Variants in PCDHGA11 observed in about 807,000 individuals in gnomAD.
PCDHGA11 encodes the protein protocadherin gamma subfamily A, 11.
A neutral mutation model predicts 60.4 loss-of-function variants in PCDHGA11; 39 were observed. The ratio of observed to expected loss-of-function variants is 0.65; its 90% CI spans 0.50 to 0.84. The LOEUF (loss-of-function observed/expected upper bound fraction) is 0.84, where lower values mean the gene tolerates loss of function less well. Among genes scored for constraint, PCDHGA11 ranks in the 40% least tolerant of loss-of-function variants. The pLI is 0.00. For synonymous variants in PCDHGA11, 533 were observed against 510.3 expected (o/e 1.04, Z -0.60); for missense variants, 1,165 against 1,197.7 (o/e 0.97, Z 0.40).
chr5:141,502,003 G>A (rs945565369), intron 2 of PCDHGA11, among the ~76,000 whole-genome samples: 17 of 151,966 alleles, frequency 1.1e-4, no homozygotes, highest in Admixed American at 1.1e-3. Flanking sequence ...CTGACAACCC[G>A]CATGCTCTCC....
At chr5:141,475,987 C>A in intron 1 of PCDHGA11, 2 of 1,101,540 alleles carry the variant, frequency 1.8e-6, no homozygotes, top group Non-Finnish European at 2.6e-6. Flanking sequence ...AGCCGGCGAG[C>A]AAATCAACGG....
rs1255326344 is a variant in PCDHGA11, at chr5:141,431,636, A to G, written c.2433+7976A>G. 6.2e-7 allele frequency: 1 copy of G among 1,614,254 alleles called. No homozygotes were observed. ...GGACGACAAGGCGGCCCAAGTTTTC[A>G]AACTAGATTGTAATTCAGGGACAAT... On this transcript the variant is annotated intron_variant, in intron 1 of 3. Transcript: ENST00000398587. This position sits in a 1 kb window ranked among gnomAD's most constrained non-coding sequence, Gnocchi z 4.8.
At chr5:141,478,891 A>G (rs1045274228) in intron 1 of PCDHGA11, 10 of 1,122,064 alleles carry the variant, frequency 8.9e-6, no homozygotes, top group Admixed American at 3.1e-5. Context: ...TATCATTTAC[A>G]TTAGGAATAA....
At chr5:141,430,603 C>A in intron 1 of PCDHGA11, 1 of 632,906 alleles carries the variant, frequency 1.6e-6, no homozygotes, top group Non-Finnish European at 2.5e-6. Context: ...GCGCCTGAAG[C>A]ACAAAGCAGA....
At chr5:141,427,495 C>A in intron 1 of PCDHGA11, 2 of 562,648 alleles carry the variant, frequency 3.6e-6, no homozygotes, top group South Asian at 1.5e-5. Flanking sequence ...AAGCTTGTAA[C>A]AGATGGGACC....
At chr5:141,492,161 TC>T (rs1269738341) in intron 1 of PCDHGA11, among the ~76,000 whole-genome samples, 2 of 152,142 alleles carry the variant, frequency 1.3e-5, no homozygotes, top group Admixed American at 6.5e-5. Context: ...ACCCTCCCTA[TC>T]CCCGCATCAC....
intron 1 of PCDHGA11, among the ~76,000 whole-genome samples, chr5:141,467,414 C>A (rs1410743140): frequency 6.6e-5 from 10 of 152,168 alleles, no homozygotes; most frequent in African/African-American, 1.2e-4. Flanking sequence ...CCTTTCCCCA[C>A]ACCTAGGTTA....
At chr5:141,465,162 G>A (rs1464525964) in intron 1 of PCDHGA11, among the ~76,000 whole-genome samples, 1 of 151,654 alleles carries the variant, frequency 6.6e-6, no homozygotes, top group Non-Finnish European at 1.5e-5. Context: ...GACTCTAAAT[G>A]TTTATGAAGA....
chr5:141,439,459 A>T (rs558086952), intron 1 of PCDHGA11, among the ~76,000 whole-genome samples: 1 of 152,340 alleles, frequency 6.6e-6, no homozygotes, highest in African/African-American at 2.4e-5. Flanking sequence ...GCAAGACTGC[A>T]CTGCTGCCTT....
At chr5:141,460,536 G>T (rs911670681) in intron 1 of PCDHGA11, among the ~76,000 whole-genome samples, 1 of 152,092 alleles carries the variant, frequency 6.6e-6, no homozygotes, top group African/African-American at 2.4e-5. Context: ...AATAATCTTA[G>T]CACCTTAATC....
Position 141,490,241 on chromosome 5 carries a change from G to T in PCDHGA11, c.2434-4566G>T. 2 of 1,614,246 alleles carry T rather than the reference G, an allele frequency of 1.2e-6. No individual in the cohort carries two copies. Among genetic ancestry groups the T allele is most frequent in the Non-Finnish European group, 1.7e-6 (2 of 1,180,048 alleles). On this transcript the variant is annotated intron_variant, in intron 1 of 3. Transcript: ENST00000398587. This position sits in a 1 kb window ranked among gnomAD's most constrained non-coding sequence, Gnocchi z 5.4. Reference sequence around the variant, plus strand: ...GGACAGCCTGCCATGGAGGGCCACTGTGTGATTCAAGTGGATGTGGGGGAT... The same window carrying T: ...GGACAGCCTGCCATGGAGGGCCACTTTGTGATTCAAGTGGATGTGGGGGAT...
At position 141,431,914 on chromosome 5, in the gene PCDHGA11, C is replaced by A. The variant is rs745837291; in HGVS notation, c.2433+8254C>A. 6.2e-7 allele frequency: 1 copy of A among 1,613,912 alleles called. No individual in the cohort carries two copies. Among genetic ancestry groups the A allele is most frequent in the African/African-American group, 1.3e-5 (1 of 75,070 alleles). On this transcript the variant is annotated intron_variant, in intron 1 of 3. Transcript: ENST00000398587. The surrounding 1 kb of genome is among the most constrained non-coding windows in gnomAD (Gnocchi z 4.8). ...AGGAAAACGGACAGGTGATCTGTTT[C>A]ATCCAAGGAAATCTGCCCTTTAAAT...
chr5:141,465,429 A>G (rs1191638112), intron 1 of PCDHGA11, among the ~76,000 whole-genome samples: 2 of 152,316 alleles, frequency 1.3e-5, no homozygotes, highest in East Asian at 3.9e-4. Context: ...AAAGGTGGGC[A>G]CTTAATGATT....
intron 1 of PCDHGA11, chr5:141,479,494 G>C (rs747201739): frequency 2.6e-5 from 4 of 152,256 alleles, no homozygotes; most frequent in Non-Finnish European, 5.9e-5. Flanking sequence ...CCATCAGGTT[G>C]CCTAAAGAGG....
chr5:141,488,222 G>A (rs1351438124), intron 1 of PCDHGA11, among the ~76,000 whole-genome samples: 1 of 152,104 alleles, frequency 6.6e-6, no homozygotes, highest in Admixed American at 6.5e-5. Flanking sequence ...TCCCTACTGG[G>A]GATTTGAACT....
At position 141,485,968 on chromosome 5, in the gene PCDHGA11, T is replaced by C; in HGVS notation, c.2434-8839T>C. On this transcript the variant is annotated intron_variant, in intron 1 of 3. Coordinates refer to ENST00000398587, the MANE Select transcript of PCDHGA11 (RefSeq NM_018914.3). The surrounding 1 kb of genome is among the most constrained non-coding windows in gnomAD (Gnocchi z 5.7). The stretch of plus-strand genomic sequence containing the variant: ...CGGGCATGGTGCTCATCCAGCTCAA[T>C]GCCTCAGACCCGGACCTGGGTCCCA... 6.2e-7 allele frequency: 1 copy of C among 1,614,216 alleles called. No homozygotes were observed. The highest frequency in any genetic ancestry group is 1.1e-5 in the South Asian group (1 of 91,088).
At chr5:141,460,465 AAAGG>A (rs2098989932) in intron 1 of PCDHGA11, among the ~76,000 whole-genome samples, 1 of 152,088 alleles carries the variant, frequency 6.6e-6, no homozygotes, top group Non-Finnish European at 1.5e-5. Context: ...ATTTTTTTCC[AAAGG>A]AATATCCAAT....
chr5:141,424,699 G>A (rs185769714), intron 1 of PCDHGA11: 222 of 152,060 alleles, frequency 1.5e-3, no homozygotes, highest in African/African-American at 5.2e-3. Flanking sequence ...CTATTTTTTT[G>A]TTCATTTTCA....
intron 2 of PCDHGA11, among the ~76,000 whole-genome samples, chr5:141,500,893 A>G (rs1393294152): frequency 1.1e-5 from 1 of 94,848 alleles, no homozygotes; most frequent in Non-Finnish European, 2.0e-5. Context: ...TTTTTTTGAG[A>G]CAGTCTCGCT....
Sources: allele counts gnomAD v4.1 joint callset (sites outside exome capture counted in the v4.1 genomes callset), GRCh38; gene constraint gnomAD v4.1.1; non-coding constraint Gnocchi (gnomAD v3.1); transcripts MANE v1.5; gene names NCBI Gene and HGNC (gene_info 2026-07-23, HGNC 2026-07-21).